The following CRACDL variants were observed in gnomAD, a reference collection of about 807,000 sequenced individuals.
The protein encoded by CRACDL is CRACD-like protein.
Under a neutral mutation model 70.6 loss-of-function variants are expected in CRACDL, and 26 were observed. The ratio of observed to expected loss-of-function variants is 0.37; its 90% confidence interval spans 0.27 to 0.51. The LOEUF (loss-of-function observed/expected upper bound fraction) is 0.51, where lower values mean the gene tolerates loss of function less well. CRACDL is among the 20% of genes least tolerant of loss of function. CRACDL has a pLI of 0.94. For missense variants in CRACDL, 1,283 were observed against 1,376.9 expected, an observed-to-expected ratio of 0.93 and a Z score of 1.08; for synonymous variants, 618 against 615.2, an observed-to-expected ratio of 1.00 and a Z score of -0.07.
chr2:98,901,532 G>A (rs1307572650), intron 1 of CRACDL, among the ~76,000 whole-genome samples: 1 of 152,228 alleles, frequency 6.6e-6, no homozygotes, highest in Non-Finnish European at 1.5e-5. Flanking sequence ...GGGGGCCGCA[G>A]GTGGACAGCA....
intron 1 of CRACDL, among the ~76,000 whole-genome samples, chr2:98,911,508 G>T (rs1324902464): frequency 6.6e-6 from 1 of 152,176 alleles, no homozygotes; most frequent in African/African-American, 2.4e-5. Flanking sequence ...CGTGTGCCAG[G>T]CCCAGTTGTC....
intron 7 of CRACDL, among the ~76,000 whole-genome samples, chr2:98,815,818 A>G (rs1166852890): frequency 2.0e-5 from 3 of 152,178 alleles, no homozygotes; most frequent in Non-Finnish European, 4.4e-5. Context: ...AAAGATTAGG[A>G]CTGAAAGAAT....
chr2:98,837,840 C>A lies in CRACDL; in HGVS notation c.239+279G>T, dbSNP rs192108035. Among the ~76,000 whole-genome samples, 171 of 152,260 alleles carry A rather than the reference C, an allele frequency of 1.1e-3. 4 individuals are homozygous for A. The South Asian group carries it at 0.024, about 21-fold the overall frequency. ...CCTATCCTGATCCTGTCACTTTCAG[C>A]TGTAGGATGTTGGGCAAGTTCTAAA... On this transcript the variant is annotated intron_variant, in intron 3 of 9. Coordinates refer to ENST00000397899, the MANE Select transcript of CRACDL (RefSeq NM_207362.3).
At chr2:98,887,942 G>A (rs892385351) in intron 1 of CRACDL, among the ~76,000 whole-genome samples, 3 of 152,150 alleles carry the variant, frequency 2.0e-5, no homozygotes, top group African/African-American at 7.2e-5. Flanking sequence ...ATTGCTTAAC[G>A]AGTATAGAGT....
intron 1 of CRACDL, among the ~76,000 whole-genome samples, chr2:98,878,577 G>A (rs1384148183): frequency 6.6e-6 from 1 of 152,188 alleles, no homozygotes; most frequent in East Asian, 1.9e-4. Context: ...ATCCATGACT[G>A]TATTTTACTT....
At chr2:98,795,545 G>A (rs917735604) in intron 9 of CRACDL, among the ~76,000 whole-genome samples, 8 of 152,190 alleles carry the variant, frequency 5.3e-5, no homozygotes, top group Non-Finnish European at 7.3e-5. Context: ...GTTGCCTAGA[G>A]CTAGGAGTGG....
At chr2:98,826,809 TA>T (rs759294164) in intron 6 of CRACDL, among the ~76,000 whole-genome samples, 165 bp downstream of exon 6, 3 of 150,114 alleles carry the variant, frequency 2.0e-5, no homozygotes, top group Non-Finnish European at 4.4e-5. Context: ...GGTTTATGTT[TA>T]AAAAGATGAG....
chr2:98,827,239 C>A (rs1486976795), intron 5 of CRACDL, 70 bp from the exon 6 acceptor site: 2 of 1,088,760 alleles, frequency 1.8e-6, no homozygotes. Context: ...ACCAACGCAA[C>A]AATGCTCTTT....
chr2:98,905,814 G>A (rs180695431), intron 1 of CRACDL, among the ~76,000 whole-genome samples: 13 of 152,054 alleles, frequency 8.5e-5, no homozygotes, highest in African/African-American at 1.4e-4. Flanking sequence ...ACAGGGTTTC[G>A]CCATGTTGGC....
At position 98,822,105 on chromosome 2, in the gene CRACDL, G is replaced by A. The variant is rs1425477004; in HGVS notation, c.2168C>T (p.Pro723Leu). 3 of 1,573,694 alleles carry A rather than the reference G, an allele frequency of 1.9e-6. No homozygotes were observed. Among genetic ancestry groups the A allele is most frequent in the Admixed American group, 3.7e-5 (2 of 53,884 alleles). Residue 723 changes from proline (P) to leucine (L), a missense_variant, in exon 7 of 10, where the codon CCG (proline) becomes CTG (leucine). By Grantham distance (98) the Pro-to-Leu change is moderately conservative (BLOSUM62 -3). Around this residue, in one of 2 missense-constraint regions of CRACDL, gnomAD observed 921 missense variants for 881.9 expected, o/e 1.04. Coordinates refer to ENST00000397899, the MANE Select transcript of CRACDL (RefSeq NM_207362.3). The surrounding 1 kb of genome is among the most constrained non-coding windows in gnomAD (Gnocchi z 4.9). ...CCCGAGGGGACACTTCTCCTCCTTC[G>A]GGAGCACGGTCAGCGACCTTTCTAA... Reference protein sequence around the residue: ...VRLERSLTVLPKEEKCPLGTA... With the variant: ...VRLERSLTVLLKEEKCPLGTA...
chr2:98,917,347 G>A (rs1174354424), intron 1 of CRACDL, among the ~76,000 whole-genome samples: 5 of 152,152 alleles, frequency 3.3e-5, no homozygotes, highest in African/African-American at 7.2e-5. Flanking sequence ...CCTAGAAATG[G>A]AATCCCCAGG....
chr2:98,846,894 G>C (rs1226879774), intron 1 of CRACDL, 84 bp from the exon 2 acceptor site: 5 of 1,146,656 alleles, frequency 4.4e-6, no homozygotes, highest in Non-Finnish European at 6.6e-6. Flanking sequence ...GACTGCATTT[G>C]CCATGATCTG....
chr2:98,850,721 C>T (rs1559233574), intron 1 of CRACDL, among the ~76,000 whole-genome samples: 2 of 152,208 alleles, frequency 1.3e-5, no homozygotes, highest in African/African-American at 2.4e-5. Context: ...GGCCCTGCTG[C>T]GGGGCACAGC....
chr2:98,802,233 G>A (rs1393482195), intron 7 of CRACDL, among the ~76,000 whole-genome samples: 1 of 152,264 alleles, frequency 6.6e-6, no homozygotes, highest in South Asian at 2.1e-4. Flanking sequence ...CATCATGGAG[G>A]AGCCTGGCCC....
At chr2:98,813,594 T>C (rs1266528068) in intron 7 of CRACDL, among the ~76,000 whole-genome samples, 1 of 152,172 alleles carries the variant, frequency 6.6e-6, no homozygotes, top group Non-Finnish European at 1.5e-5. Context: ...GTCATGGACT[T>C]AAATGTAAAA....
At chr2:98,798,237 T>C (rs1703916539) in intron 7 of CRACDL, among the ~76,000 whole-genome samples, 1 of 151,930 alleles carries the variant, frequency 6.6e-6, no homozygotes, top group Non-Finnish European at 1.5e-5. Context: ...CCCACCTACT[T>C]GGGAGACTGT....
intron 7 of CRACDL, among the ~76,000 whole-genome samples, chr2:98,804,022 T>A (rs1411051022): frequency 2.6e-5 from 4 of 152,198 alleles, no homozygotes; most frequent in Non-Finnish European, 4.4e-5. Flanking sequence ...TTAAAAGCCA[T>A]TTATTGATCT....
chr2:98,927,399 C>T (rs918755254), intron 1 of CRACDL, among the ~76,000 whole-genome samples: 4 of 152,156 alleles, frequency 2.6e-5, no homozygotes, highest in African/African-American at 9.7e-5. Context: ...GAATTCCCTG[C>T]ACTAAATCCT....
intron 1 of CRACDL, among the ~76,000 whole-genome samples, chr2:98,856,796 A>C (rs1193054787): frequency 6.6e-6 from 1 of 152,204 alleles, no homozygotes; most frequent in Non-Finnish European, 1.5e-5. Flanking sequence ...TGCCCAGGCA[A>C]CCAGGTGTAC....
Sources: gnomAD v4.1 joint callset for allele counts (sites outside exome capture counted in the v4.1 genomes callset) on GRCh38, gnomAD v4.1.1 for gene constraint, gnomAD v4.1.1 regional missense constraint, Gnocchi (gnomAD v3.1) non-coding constraint, MANE v1.5 for transcripts, NCBI Gene and HGNC (gene_info 2026-07-23, HGNC 2026-07-21) for gene names.